ATAD3A: variants seen among roughly 807,000 people sequenced by gnomAD.
ATAD3A encodes ATPase family AAA domain-containing protein 3A.
In ATAD3A, 46 loss-of-function variants were observed where a neutral mutation model predicts 73.8. That is an observed-to-expected ratio of 0.62 (90% confidence interval 0.49 to 0.80). The LOEUF (loss-of-function observed/expected upper bound fraction) is 0.80, where lower values mean the gene tolerates loss of function less well. Among genes scored for constraint, ATAD3A ranks in the 30% least tolerant of loss-of-function variants. The pLI, the probability that ATAD3A is intolerant of heterozygous loss-of-function variation, is 0.00. For missense variants in ATAD3A, 705 were observed against 838.0 expected, an observed-to-expected ratio of 0.84 and a Z score of 1.96; for synonymous variants, 319 against 350.0, an observed-to-expected ratio of 0.91 and a Z score of 0.99.
At position 1,528,258 on chromosome 1, in the gene ATAD3A, C is replaced by T. The variant is rs182958394; in HGVS notation, c.1505+396C>T. 2.5e-3 allele frequency among the ~76,000 whole-genome samples: 382 copies of T among 152,322 alleles called. 1 individual carries two copies. The highest frequency in any genetic ancestry group is 8.5e-3 in the African/African-American group (355 of 41,552). On this transcript the variant is annotated intron_variant, in intron 14 of 15. Transcript: ENST00000378756. The stretch of plus-strand genomic sequence containing the variant: ...GATTACAGATGTGAGCCACCGCGCC[C>T]GGCGTCTTTTCCATTCCTCTTCACT...
intron 1 of ATAD3A, 159 bp downstream of exon 1, chr1:1,512,632 GA>G (rs1641238712): frequency 7.1e-7 from 1 of 1,401,484 alleles, no homozygotes; most frequent in Non-Finnish European, 9.5e-7. Context: ...CGCGTGCCGG[GA>G]GGATCGGACT....
In ATAD3A at chr1:1,520,022, C is replaced by T; in HGVS notation, c.515-119C>T. 13 of 1,388,456 alleles carry T rather than the reference C, an allele frequency of 9.4e-6. No individual in the cohort carries two copies. Among genetic ancestry groups the T allele is most frequent in the Admixed American group, 7.2e-5 (3 of 41,552 alleles). The allele number at this position is 1,388,456 out of a possible 1,614,324, so 86.0% of individuals were successfully genotyped here. ...GGGCCGGTCCGTGGCATGGGCCTGT[C>T]TGTGGCGTTGGTCTGTCCGTGGCGT... is the stretch of plus-strand genomic sequence containing the variant. On this transcript the variant is annotated intron_variant, in intron 5 of 15. Coordinates refer to ENST00000378756, the MANE Select transcript of ATAD3A (RefSeq NM_001170535.3). The surrounding 1 kb of genome is among the most constrained non-coding windows in gnomAD (Gnocchi z 4.0).
intron 4 of ATAD3A, among the ~76,000 whole-genome samples, chr1:1,518,546 GCA>G (rs1261643258): frequency 2.0e-5 from 2 of 99,816 alleles, no homozygotes; most frequent in South Asian, 6.8e-4. Context: ...ACACATACGG[GCA>G]CACACGCCTT....
intron 4 of ATAD3A, 94 bp from the exon 5 acceptor site, chr1:1,518,826 AC>A (rs1243162667): frequency 1.1e-5 from 18 of 1,597,790 alleles, no homozygotes; most frequent in Middle Eastern, 3.3e-4. Flanking sequence ...GGGCACACTC[AC>A]CCCCCTGCAC....
intron 4 of ATAD3A, among the ~76,000 whole-genome samples, chr1:1,518,342 C>T (rs1210979754): frequency 5.0e-5 from 7 of 140,322 alleles, no homozygotes; most frequent in East Asian, 2.3e-4. Context: ...CTGGCACCCG[C>T]GCACTCGGGC....
chr1:1,525,319 A>T, intron 12 of ATAD3A, 28 bp downstream of exon 12: 7 of 1,564,458 alleles, frequency 4.5e-6, no homozygotes, highest in East Asian at 2.4e-5. Flanking sequence ...TCTGGCCACA[A>T]TGGGGTGGTG....
Position 1,520,627 on chromosome 1 carries a change from C to A in ATAD3A, c.750+10C>A, listed in dbSNP as rs569633380. 22 of 1,613,320 alleles carry A rather than the reference C, an allele frequency of 1.4e-5. 1 individual carries two copies. The East Asian group carries it at 1.8e-4, about 13-fold the overall frequency. On this transcript the variant is annotated intron_variant, in intron 7 of 15. Transcript: ENST00000378756. This position sits in a 1 kb window ranked among gnomAD's most constrained non-coding sequence, Gnocchi z 4.0. ...CAAAGTGACAGCCACGGTAAACATACTCATAAAACAGGGCTGGCAGGTGGC... is the reference window on the plus strand; with the variant it reads ...CAAAGTGACAGCCACGGTAAACATAATCATAAAACAGGGCTGGCAGGTGGC...
chr1:1,526,565 C>T (rs1641854301), intron 13 of ATAD3A, 34 bp downstream of exon 13: 1 of 1,611,558 alleles, frequency 6.2e-7, no homozygotes, highest in Non-Finnish European at 8.5e-7. Flanking sequence ...GGCCCCCGGG[C>T]AGGGCTGTGC....
Position 1,522,822 on chromosome 1 carries a change from G to T in ATAD3A, c.829G>T (p.Ala277Ser). The change falls in exon 8 of 16, where the codon GCT (alanine) becomes TCT (serine). Residue 277 changes from alanine to serine, a missense_variant. Ala to Ser is a moderately conservative substitution (Grantham distance 99). This residue lies in a region of ATAD3A where 315 missense variants were observed against 334.1 expected (regional missense o/e 0.94). Transcript: ENST00000378756. Reference sequence around the variant, plus strand: ...GCTTGTCGCCGGCCGCTTCATCGAGGCTCGGCTGGGGAAGCCGTCCCTAGT... The same window carrying T: ...GCTTGTCGCCGGCCGCTTCATCGAGTCTCGGCTGGGGAAGCCGTCCCTAGT... ...ATLVAGRFIE[A>S]RLGKPSLVRE... 1 of 1,610,948 alleles carries T rather than the reference G, an allele frequency of 6.2e-7. No homozygotes were observed. The highest frequency in any genetic ancestry group is 1.1e-5 in the South Asian group (1 of 91,000).
Position 1,512,325 on chromosome 1 carries a change from G to A in ATAD3A, c.57G>A (p.Pro19=), listed in dbSNP as rs113982948. 8.9e-6 allele frequency: 11 copies of A among 1,239,656 alleles called. No homozygotes were observed. In the African/African-American group the frequency reaches 1.6e-4, roughly 18 times the overall value. The allele number at this position is 1,239,656 out of a possible 1,614,324, so 76.8% of individuals were successfully genotyped here. A position where few individuals can be genotyped will look rare whatever the true frequency, so the allele number is the denominator to read the frequency against. The change falls in exon 1 of 16, where the codon CCG becomes CCA. Residue 19 remains proline, a synonymous_variant. Coordinates refer to ENST00000378756, the MANE Select transcript of ATAD3A (RefSeq NM_001170535.3). ...KGPKGEGAGP[P]PPLPPAQPGA... ...CCAAGGGTGAAGGCGCGGGGCCGCCGCCGCCTTTGCCGCCCGCGCAGCCCG... is the reference window on the plus strand; with the variant it reads ...CCAAGGGTGAAGGCGCGGGGCCGCCACCGCCTTTGCCGCCCGCGCAGCCCG...
chr1:1,529,846 G>C (rs1297060065), intron 15 of ATAD3A, among the ~76,000 whole-genome samples: 3 of 152,224 alleles, frequency 2.0e-5, no homozygotes, highest in Non-Finnish European at 4.4e-5. Context: ...GGCTGCTCCA[G>C]GGCTGAGGAG....
intron 7 of ATAD3A, among the ~76,000 whole-genome samples, chr1:1,521,633 G>A (rs1450788947): frequency 2.0e-5 from 3 of 152,242 alleles, no homozygotes; most frequent in African/African-American, 2.4e-5. Context: ...TGCAGGTGGT[G>A]TTGCCACCAT....
intron 7 of ATAD3A, among the ~76,000 whole-genome samples, chr1:1,521,029 C>G (rs116644865): frequency 1.3e-5 from 2 of 151,988 alleles, no homozygotes; most frequent in Non-Finnish European, 2.9e-5. Context: ...AGTCGTGGCT[C>G]ACACCTGTAA....
chr1:1,512,766 A>G, intron 1 of ATAD3A: 4 of 1,093,752 alleles, frequency 3.7e-6, no homozygotes, highest in Non-Finnish European at 4.5e-6. Flanking sequence ...GTCTTCAGTT[A>G]CCGCCGAGCG....
chr1:1,530,544 T>C (rs1278800692), intron 15 of ATAD3A, among the ~76,000 whole-genome samples: 1 of 132,720 alleles, frequency 7.5e-6, no homozygotes, highest in Non-Finnish European at 1.5e-5. Context: ...AAACTAAGAA[T>C]AATGGCCGGG....
chr1:1,533,440 CAGG>C lies in ATAD3A; in HGVS notation c.1615-481_1615-479del, dbSNP rs1227887099. Among the ~76,000 whole-genome samples, 12 of 152,250 alleles carry C rather than the reference CAGG, an allele frequency of 7.9e-5. 1 individual carries two copies. Among genetic ancestry groups the C allele is most frequent in the African/African-American group, 1.2e-4 (5 of 41,502 alleles). Reference sequence around the variant, plus strand: ...CGTGCCAGATGCCAAGCCCTGTGCTCAGGAGGACAGGGAGGTGGGGGCAGAGGT... The same window carrying C: ...CGTGCCAGATGCCAAGCCCTGTGCTCAGGACAGGGAGGTGGGGGCAGAGGT... On this transcript the variant is annotated intron_variant, in intron 15 of 15. Transcript: ENST00000378756.
At chr1:1,530,908 T>C (rs1303895423) in intron 15 of ATAD3A, among the ~76,000 whole-genome samples, 1 of 150,910 alleles carries the variant, frequency 6.6e-6, no homozygotes, top group African/African-American at 2.4e-5. Flanking sequence ...TCCCAGCACG[T>C]TGGGAGGCTG....
intron 4 of ATAD3A, among the ~76,000 whole-genome samples, chr1:1,518,691 C>G (rs1197085220): frequency 8.1e-6 from 1 of 123,222 alleles, no homozygotes; most frequent in East Asian, 2.5e-4. Flanking sequence ...ACACACACAC[C>G]CAAACGGGTG....
At chr1:1,513,879 C>T (rs1641275411) in intron 1 of ATAD3A, among the ~76,000 whole-genome samples, 1 of 152,136 alleles carries the variant, frequency 6.6e-6, no homozygotes, top group African/African-American at 2.4e-5. Flanking sequence ...TCCTCCTCAC[C>T]GACTGCCTCC....
Sources: allele counts gnomAD v4.1 joint callset (sites outside exome capture counted in the v4.1 genomes callset), GRCh38; gene constraint gnomAD v4.1.1; regional missense constraint gnomAD v4.1.1; non-coding constraint Gnocchi (gnomAD v3.1); transcripts MANE v1.5; gene names NCBI Gene and HGNC (gene_info 2026-07-23, HGNC 2026-07-21).